Variants in WDR25 observed in about 807,000 individuals in gnomAD.
The protein encoded by WDR25 is WD repeat domain 25, also known as WD repeat-containing protein 25.
In WDR25, 35 loss-of-function variants were observed where a neutral mutation model predicts 47.7. The observed-to-expected ratio is 0.73, with a 90% CI of 0.56 to 0.97. The LOEUF (loss-of-function observed/expected upper bound fraction) is 0.97, where lower values mean the gene tolerates loss of function less well. Among genes scored for constraint, WDR25 ranks in the 50% least tolerant of loss-of-function variants. WDR25 has a pLI of 0.00. For synonymous variants in WDR25, 248 were observed against 278.9 expected (o/e 0.89, Z 1.10); for missense variants, 634 against 704.7 (o/e 0.90, Z 1.14).
At chr14:100,439,504 G>A (rs774297878) in intron 2 of WDR25, among the ~76,000 whole-genome samples, 29 of 152,224 alleles carry the variant, frequency 1.9e-4, no homozygotes, top group Admixed American at 7.2e-4. Flanking sequence ...GAGGGAAGCC[G>A]TCAAAATAAG....
intron 2 of WDR25, among the ~76,000 whole-genome samples, chr14:100,466,643 A>G (rs1191185535): frequency 6.6e-6 from 1 of 152,212 alleles, no homozygotes; most frequent in African/African-American, 2.4e-5. Context: ...ACTGAGGCCC[A>G]GAGAGGCAAA....
intron 3 of WDR25, among the ~76,000 whole-genome samples, chr14:100,482,623 T>A (rs977661721): frequency 2.0e-5 from 3 of 151,626 alleles, no homozygotes; most frequent in Non-Finnish European, 4.4e-5. Context: ...CTGTCATGAG[T>A]ACTCATGTGA....
At chr14:100,408,694 T>A (rs1303189623) in intron 2 of WDR25, among the ~76,000 whole-genome samples, 1 of 152,198 alleles carries the variant, frequency 6.6e-6, no homozygotes, top group Admixed American at 6.5e-5. Flanking sequence ...ATTTTTCTCC[T>A]CTGAAGGGCC....
rs924928331 is a variant in WDR25, at chr14:100,404,111, A to G, written c.822+22365A>G. Among the ~76,000 whole-genome samples the G allele has an allele frequency of 6.6e-6, 1 of 152,096 alleles. No individual in the cohort carries two copies. The highest frequency in any genetic ancestry group is 1.5e-5 in the Non-Finnish European group (1 of 68,016). On this transcript the variant is annotated intron_variant, in intron 2 of 6. Transcript: ENST00000402312. This position sits in a 1 kb window ranked among gnomAD's most constrained non-coding sequence, Gnocchi z 4.6. ...TAGCAATTAGAACTCCCATTTGCTG[A>G]GATCCTACCATGTGTCCAGCCCAGT...
intron 4 of WDR25, among the ~76,000 whole-genome samples, chr14:100,514,558 T>A (rs1166451984): frequency 1.3e-5 from 2 of 152,152 alleles, no homozygotes; most frequent in African/African-American, 2.4e-5. Flanking sequence ...TTTGTTTTTT[T>A]AAAATGATTG....
At position 100,423,574 on chromosome 14, in the gene WDR25, G is replaced by T. The variant is rs73343589; in HGVS notation, c.822+41828G>T. ...ATAATTATCAAGGTAACCTGCTGAC[G>T]TCACTCAAAAACATCTGGAAAATAG... On this transcript the variant is annotated intron_variant, in intron 2 of 6. Transcript: ENST00000402312. Among the ~76,000 whole-genome samples the T allele has an allele frequency of 4.8e-3, 732 of 152,224 alleles. 10 individuals are homozygous for T. The highest frequency in any genetic ancestry group is 0.017 in the African/African-American group (688 of 41,510).
At chr14:100,448,552 C>T (rs1413007986) in intron 2 of WDR25, among the ~76,000 whole-genome samples, 4 of 152,146 alleles carry the variant, frequency 2.6e-5, no homozygotes, top group African/African-American at 9.7e-5. Flanking sequence ...GAGCCCTAGT[C>T]TCTTCATCTG....
At chr14:100,480,904 C>A in intron 3 of WDR25, 1 of 324,260 alleles carries the variant, frequency 3.1e-6, no homozygotes, top group South Asian at 2.8e-5. Context: ...TGCAAAGGCT[C>A]TCGTGGCTCT....
In WDR25 at chr14:100,523,695, G is replaced by A. The variant is rs1049664087; in HGVS notation, c.1102-2175G>A. ...CAGCATCCCCCAGGTTTGCTGGTGGGCCGAGTGGTGGGCAGATTGTAGGGA... is the reference window on the plus strand; with the variant it reads ...CAGCATCCCCCAGGTTTGCTGGTGGACCGAGTGGTGGGCAGATTGTAGGGA... On this transcript the variant is annotated intron_variant, in intron 4 of 6. Transcript: ENST00000402312. This position sits in a 1 kb window ranked among gnomAD's most constrained non-coding sequence, Gnocchi z 4.7. 2.0e-5 allele frequency among the ~76,000 whole-genome samples: 3 copies of A among 152,120 alleles called. No homozygotes were observed. The highest frequency in any genetic ancestry group is 7.2e-5 in the African/African-American group (3 of 41,406).
rs1899714306 is a variant in WDR25 at position 100,468,326 on chromosome 14, C to T, written c.970+158C>T. Among the ~76,000 whole-genome samples, 1 of 152,130 alleles carries T rather than the reference C, an allele frequency of 6.6e-6. No individual in the cohort carries two copies. Among genetic ancestry groups the T allele is most frequent in the African/African-American group, 2.4e-5 (1 of 41,428 alleles). On this transcript the variant is annotated intron_variant, in intron 3 of 6. Transcript: ENST00000402312. The surrounding 1 kb of genome is among the most constrained non-coding windows in gnomAD (Gnocchi z 4.5). Reference sequence around the variant, plus strand: ...GCTCGGTGAGAGGGCTTCCAGACTGCTTGCCCATTGGAACTGCGACTCCCC... The same window carrying T: ...GCTCGGTGAGAGGGCTTCCAGACTGTTTGCCCATTGGAACTGCGACTCCCC...
chr14:100,525,301 A>G lies in WDR25; in HGVS notation c.1102-569A>G, dbSNP rs2030064823. ...CAACTGCTCAATACTTAATAAAGTC[A>G]GTTTATGAGACAGCAGACTGTGAAG... On this transcript the variant is annotated intron_variant, in intron 4 of 6. Coordinates refer to ENST00000402312, the MANE Select transcript of WDR25 (RefSeq NM_001161476.3). This position sits in a 1 kb window ranked among gnomAD's most constrained non-coding sequence, Gnocchi z 4.6. Among the ~76,000 whole-genome samples the G allele has an allele frequency of 6.6e-6, 1 of 152,246 alleles. No individual in the cohort carries two copies. The highest frequency in any genetic ancestry group is 1.5e-5 in the Non-Finnish European group (1 of 68,048).
rs530293561 is a variant in WDR25, at chr14:100,512,052, T to C, written c.1102-13818T>C. ...CATCTATGTTTATGAGGGTTATTGA[T>C]CTGAACTTTTTTTATTATAATATCT... On this transcript the variant is annotated intron_variant, in intron 4 of 6. Transcript: ENST00000402312. Among the ~76,000 whole-genome samples, 4 of 152,304 alleles carry C rather than the reference T, an allele frequency of 2.6e-5. No homozygotes were observed. The South Asian group carries it at 8.3e-4, about 32-fold the overall frequency.
In WDR25 at chr14:100,407,176, T is replaced by C. The variant is rs902944088; in HGVS notation, c.822+25430T>C. The C allele has an allele frequency of 2.0e-5, 3 of 152,262 alleles. No individual in the cohort carries two copies. The highest frequency in any genetic ancestry group is 6.5e-5 in the Admixed American group (1 of 15,288). 9.4% of individuals were successfully genotyped at this position (152,262 alleles called of 1,614,324 possible). On this transcript the variant is annotated intron_variant, in intron 2 of 6. Coordinates refer to ENST00000402312, the MANE Select transcript of WDR25 (RefSeq NM_001161476.3). This position sits in a 1 kb window ranked among gnomAD's most constrained non-coding sequence, Gnocchi z 4.1. Reference sequence around the variant, plus strand: ...GGAGAGTTTCTGAGAGATTAGGTGATGATATATACTCAGAGCTCAGACAGT... The same window carrying C: ...GGAGAGTTTCTGAGAGATTAGGTGACGATATATACTCAGAGCTCAGACAGT...
At chr14:100,389,321 T>C (rs1453629586) in intron 2 of WDR25, among the ~76,000 whole-genome samples, 1 of 152,260 alleles carries the variant, frequency 6.6e-6, no homozygotes, top group Non-Finnish European at 1.5e-5. Context: ...TTTGTTTTTG[T>C]AGCCTGCATT....
chr14:100,513,780 G>A (rs1375008193), intron 4 of WDR25, among the ~76,000 whole-genome samples: 1 of 150,856 alleles, frequency 6.6e-6, no homozygotes, highest in African/African-American at 2.4e-5. Flanking sequence ...CTCCTGCCTC[G>A]GCCTCCTAAA....
chr14:100,422,102 C>T (rs1331318328), intron 2 of WDR25, among the ~76,000 whole-genome samples: 8 of 152,220 alleles, frequency 5.3e-5, no homozygotes, highest in Non-Finnish European at 8.8e-5. Flanking sequence ...GCTTCTGAAT[C>T]TGCAGTTTGG....
At chr14:100,393,582 G>T (rs979768665) in intron 2 of WDR25, among the ~76,000 whole-genome samples, 1 of 152,202 alleles carries the variant, frequency 6.6e-6, no homozygotes, top group African/African-American at 2.4e-5. Flanking sequence ...GGCAGAAGTA[G>T]GACAGATGGT....
Position 100,430,680 on chromosome 14 carries a change from C to T in WDR25, c.823-37341C>T, listed in dbSNP as rs1898305313. 6.6e-6 allele frequency among the ~76,000 whole-genome samples: 1 copy of T among 152,120 alleles called. No homozygotes were observed. On this transcript the variant is annotated intron_variant, in intron 2 of 6. Coordinates refer to ENST00000402312, the MANE Select transcript of WDR25 (RefSeq NM_001161476.3). The surrounding 1 kb of genome is among the most constrained non-coding windows in gnomAD (Gnocchi z 4.7). ...GGGAACCAGCGGCTGTTATAGGTGA[C>T]CCAGTGAGGGAGGCTGCATCTCGAT...
intron 4 of WDR25, chr14:100,504,447 C>T (rs1389038273): frequency 1.3e-5 from 2 of 152,090 alleles, no homozygotes; most frequent in Non-Finnish European, 2.9e-5. Flanking sequence ...TAACACATTC[C>T]TCTGTTCCTT....
Sources: gnomAD v4.1 joint callset for allele counts (sites outside exome capture counted in the v4.1 genomes callset) on GRCh38, gnomAD v4.1.1 for gene constraint, Gnocchi (gnomAD v3.1) non-coding constraint, MANE v1.5 for transcripts, NCBI Gene and HGNC (gene_info 2026-07-23, HGNC 2026-07-21) for gene names.